Variants in PTPRT observed in about 807,000 individuals in gnomAD.
The protein encoded by PTPRT is protein tyrosine phosphatase receptor type T.
A neutral mutation model predicts 176.8 loss-of-function variants in PTPRT; 56 were observed. The ratio of observed to expected loss-of-function variants is 0.32; its 90% CI spans 0.26 to 0.40. The LOEUF (loss-of-function observed/expected upper bound fraction) is 0.40. Among genes scored for constraint, PTPRT ranks in the 10% least tolerant of loss-of-function variants. The pLI, the probability that PTPRT is intolerant of heterozygous loss-of-function variation, is 1.00. For synonymous variants in PTPRT, 783 were observed against 739.0 expected (o/e 1.06, Z -0.96); for missense variants, 1,540 against 1,908.2 (o/e 0.81, Z 3.60).
intron 13 of PTPRT, among the ~76,000 whole-genome samples, chr20:42,278,318 G>A (rs1001172945): frequency 7.7e-6 from 1 of 129,990 alleles, no homozygotes; most frequent in Admixed American, 7.7e-5. Flanking sequence ...AGTAGCCAAA[G>A]CATTTCAGAG....
chr20:42,244,132 A>T (rs2056407454), intron 14 of PTPRT, among the ~76,000 whole-genome samples: 1 of 152,170 alleles, frequency 6.6e-6, no homozygotes, highest in Admixed American at 6.5e-5. Flanking sequence ...CCTTTCATAG[A>T]AGGGAAAGCA....
chr20:42,457,157 C>G (rs931197661), intron 8 of PTPRT, among the ~76,000 whole-genome samples: 5 of 152,144 alleles, frequency 3.3e-5, no homozygotes, highest in Admixed American at 2.6e-4. Flanking sequence ...TTTTTCAGTA[C>G]TGAACTTCAT....
the PTPRT span, among the ~76,000 whole-genome samples, chr20:42,031,934 C>T: frequency 3.3e-5 from 5 of 152,204 alleles, no homozygotes; most frequent in South Asian, 2.1e-4. Context: ...TGTAAATCTT[C>T]GCAACACTGT....
At chr20:42,771,625 C>A in intron 4 of PTPRT, 75 bp from the exon 5 acceptor site, 1 of 1,239,086 alleles carries the variant, frequency 8.1e-7, no homozygotes, top group South Asian at 1.2e-5. Context: ...TGGATGGCAG[C>A]TCAGGATGGG....
chr20:42,672,565 A>T (rs2075431824), intron 7 of PTPRT, among the ~76,000 whole-genome samples: 1 of 151,770 alleles, frequency 6.6e-6, no homozygotes. Context: ...ATCACCTTTG[A>T]CTCCCTACTC....
chr20:42,425,779 G>A (rs1601003411), intron 9 of PTPRT, among the ~76,000 whole-genome samples: 1 of 152,230 alleles, frequency 6.6e-6, no homozygotes, highest in Admixed American at 6.5e-5. Flanking sequence ...GTAAAAGAGA[G>A]GTAATGACTG....
chr20:42,856,877 G>A (rs1342395295), intron 2 of PTPRT, among the ~76,000 whole-genome samples: 1 of 152,124 alleles, frequency 6.6e-6, no homozygotes, highest in Non-Finnish European at 1.5e-5. Context: ...AGGGAAAAAG[G>A]AGGAGAAAAA....
At chr20:42,605,989 G>A (rs1048737620) in intron 7 of PTPRT, among the ~76,000 whole-genome samples, 1 of 152,210 alleles carries the variant, frequency 6.6e-6, no homozygotes, top group Non-Finnish European at 1.5e-5. Flanking sequence ...AAGTGTGGTT[G>A]GTGGACTGCA....
At chr20:42,291,109 C>T (rs1366975766) in intron 12 of PTPRT, among the ~76,000 whole-genome samples, 1 of 152,150 alleles carries the variant, frequency 6.6e-6, no homozygotes, top group African/African-American at 2.4e-5. Context: ...GACCTGACCT[C>T]AGCGTCTTTC....
chr20:42,869,088 G>T lies in PTPRT; in HGVS notation c.214+16719C>A, dbSNP rs557625412. ...CCACCCAGATTTCAAAAGATGCCCT[G>T]GAGAGCCTCAGTGCCCAGGCAGAGA... On this transcript the variant is annotated intron_variant, in intron 2 of 30. Coordinates refer to ENST00000373187, the MANE Select transcript of PTPRT (RefSeq NM_007050.6). Among the ~76,000 whole-genome samples, 4 of 152,314 alleles carry T rather than the reference G, an allele frequency of 2.6e-5. No individual in the cohort carries two copies. In the East Asian group the frequency reaches 7.7e-4, roughly 29 times the overall value.
chr20:42,127,363 T>C (rs1231416466), intron 19 of PTPRT, among the ~76,000 whole-genome samples: 1 of 152,044 alleles, frequency 6.6e-6, no homozygotes, highest in African/African-American at 2.4e-5. Flanking sequence ...CCTTCCATCA[T>C]CCTCCAGTGT....
chr20:42,240,765 T>A (rs947185436), intron 14 of PTPRT, among the ~76,000 whole-genome samples: 6 of 152,118 alleles, frequency 3.9e-5, no homozygotes, highest in African/African-American at 1.4e-4. Context: ...CATCTTTCCA[T>A]CATTAATTCA....
At chr20:42,826,530 A>C (rs557784695) in intron 2 of PTPRT, among the ~76,000 whole-genome samples, 1 of 152,352 alleles carries the variant, frequency 6.6e-6, no homozygotes, top group South Asian at 2.1e-4. Context: ...GGAGGGGAAA[A>C]GTGCAGGTAG....
At chr20:42,428,021 T>A (rs4812600) in intron 9 of PTPRT, among the ~76,000 whole-genome samples, 15 of 152,144 alleles carry the variant, frequency 9.9e-5, no homozygotes, top group South Asian at 4.2e-4. Flanking sequence ...GACTCAGCCC[T>A]CCTGCACCCA....
At chr20:42,542,443 T>C (rs1438745737) in intron 7 of PTPRT, among the ~76,000 whole-genome samples, 3 of 152,120 alleles carry the variant, frequency 2.0e-5, no homozygotes, top group African/African-American at 7.2e-5. Flanking sequence ...GATGGTCAAA[T>C]TCCAGACACA....
intron 1 of PTPRT, among the ~76,000 whole-genome samples, chr20:43,153,087 T>G (rs1320427333): frequency 1.3e-5 from 2 of 152,226 alleles, no homozygotes; most frequent in African/African-American, 4.8e-5. Context: ...CAAGGGGCAT[T>G]TACCTAGTGC....
chr20:42,955,399 G>A (rs752889147), intron 1 of PTPRT, among the ~76,000 whole-genome samples: 10 of 152,140 alleles, frequency 6.6e-5, no homozygotes, highest in Non-Finnish European at 1.3e-4. Context: ...GTTGTCACAA[G>A]CAGCATCTTT....
chr20:42,527,860 T>C (rs539240916), intron 7 of PTPRT, among the ~76,000 whole-genome samples: 3 of 152,358 alleles, frequency 2.0e-5, no homozygotes, highest in African/African-American at 7.2e-5. Context: ...ATTGTGTTAA[T>C]AGCATTATTC....
chr20:42,964,896 A>G (rs1982206375), intron 1 of PTPRT, among the ~76,000 whole-genome samples: 1 of 152,230 alleles, frequency 6.6e-6, no homozygotes, highest in Non-Finnish European at 1.5e-5. Flanking sequence ...TAAAAATCAT[A>G]TATCAATAGA....
Sources: gnomAD v4.1 joint callset for allele counts (sites outside exome capture counted in the v4.1 genomes callset) on GRCh38, gnomAD v4.1.1 for gene constraint, MANE v1.5 for transcripts, NCBI Gene and HGNC (gene_info 2026-07-23, HGNC 2026-07-21) for gene names.